Variants in NEO1 observed in about 807,000 individuals in gnomAD.
NEO1 encodes the protein neogenin.
In NEO1, 63 loss-of-function variants were observed where a neutral mutation model predicts 159.7. The ratio of observed to expected loss-of-function variants is 0.39; its 90% CI spans 0.32 to 0.49. NEO1 has a LOEUF of 0.49. Ranked by LOEUF, NEO1 falls within the 20% of genes least tolerant of loss-of-function variation. NEO1 has a pLI of 0.85. For missense variants in NEO1, 1,615 were observed against 1,831.0 expected, an observed-to-expected ratio of 0.88 and a Z score of 2.15; for synonymous variants, 633 against 662.0, an observed-to-expected ratio of 0.96 and a Z score of 0.67.
chr15:73,277,520 G>T (rs2623994), intron 21 of NEO1, among the ~76,000 whole-genome samples: 14,372 of 152,180 alleles, frequency 0.094, 905 homozygotes, highest in African/African-American at 0.17. Flanking sequence ...CTAGGAGGAA[G>T]ACTGTTTTTT....
At chr15:73,238,452 C>T (rs1039568525) in intron 8 of NEO1, among the ~76,000 whole-genome samples, 6 of 150,978 alleles carry the variant, frequency 4.0e-5, no homozygotes, top group African/African-American at 1.5e-4. Context: ...AATTTCAATT[C>T]GTGGAGAAAT....
intron 19 of NEO1, among the ~76,000 whole-genome samples, chr15:73,273,507 C>G (rs1056241245): frequency 1.3e-5 from 2 of 152,128 alleles, no homozygotes; most frequent in African/African-American, 4.8e-5. Context: ...CAGATAGATT[C>G]ATGGTTGTGA....
In NEO1 at chr15:73,303,826, A is replaced by C. The variant is rs575186433; in HGVS notation, c.*1130A>C. On this transcript the variant is annotated 3_prime_UTR_variant, in exon 29 of 29. Coordinates refer to ENST00000261908, the MANE Select transcript of NEO1 (RefSeq NM_002499.4). ...GGTAAGAGCCTGACCCCATTCTGTA[A>C]ATCAGAAAGCAAGGATGGAGACCCT... 2 of 152,296 alleles carry C rather than the reference A, an allele frequency of 1.3e-5. No individual in the cohort carries two copies. Among genetic ancestry groups the C allele is most frequent in the Non-Finnish European group, 2.9e-5 (2 of 68,030 alleles). The allele number at this position is 152,296 out of a possible 1,614,324, so 9.4% of individuals were successfully genotyped here. A position where few individuals can be genotyped will look rare whatever the true frequency, so the allele number is the denominator to read the frequency against.
chr15:73,254,637 C>G (rs1567612056), intron 12 of NEO1, 45 bp from the exon 13 acceptor site: 4 of 1,512,980 alleles, frequency 2.6e-6, no homozygotes, highest in Non-Finnish European at 3.5e-6. Flanking sequence ...CAGGACCAAG[C>G]TTTTGATATA....
intron 27 of NEO1, 61 bp from the exon 28 acceptor site, chr15:73,301,260 C>G: frequency 1.2e-6 from 2 of 1,606,768 alleles, no homozygotes; most frequent in South Asian, 1.1e-5. Context: ...ACCTTAGGGC[C>G]TTCATGAGGT....
In NEO1 at chr15:73,270,303, A is replaced by G. The variant is rs1425573875; in HGVS notation, c.2719-13A>G. ...CTTTCTAATTTTAAAGTCTCAATTC[A>G]TGTTTTTTTCAGAATGCAAATGCAA... On this transcript the variant is annotated splice_polypyrimidine_tract_variant and intron_variant, in intron 17 of 28. Coordinates refer to ENST00000261908, the MANE Select transcript of NEO1 (RefSeq NM_002499.4). The G allele has an allele frequency of 6.2e-7, 1 of 1,614,022 alleles. No homozygotes were observed. The highest frequency in any genetic ancestry group is 1.1e-5 in the South Asian group (1 of 91,040).
intron 20 of NEO1, 32 bp downstream of exon 20, chr15:73,274,037 G>A: frequency 6.3e-7 from 1 of 1,599,376 alleles, no homozygotes; most frequent in East Asian, 2.2e-5. Flanking sequence ...GTTTTGTTGT[G>A]TGTCTCTTTA....
Position 73,301,323 on chromosome 15 carries a change from C to A in NEO1, c.4168C>A (p.Leu1390Met). ...CTGATGGTGCCCTTTCCCCTCAGCT[C>A]TGAACCATCACATTCACTCAGTGAA... is the stretch of plus-strand genomic sequence containing the variant. ...PSTPLLSQQA[L>M]NHHIHSVKTA... The change falls in exon 28 of 29, where the codon CTG becomes ATG. Residue 1390 changes from leucine (L) to methionine (M), a missense_variant and splice_region_variant. Transcript: ENST00000261908. 1 of 1,614,190 alleles carries A rather than the reference C, an allele frequency of 6.2e-7. No individual in the cohort carries two copies. The highest frequency in any genetic ancestry group is 8.5e-7 in the Non-Finnish European group (1 of 1,180,032).
chr15:73,067,522 T>G (rs544114309), intron 1 of NEO1, among the ~76,000 whole-genome samples: 96 of 151,730 alleles, frequency 6.3e-4, no homozygotes, highest in Non-Finnish European at 1.3e-3. Context: ...ATATCTTGGC[T>G]CACTGCAAAC....
intron 26 of NEO1, among the ~76,000 whole-genome samples, chr15:73,294,154 T>G (rs1214673465): frequency 2.6e-5 from 4 of 152,220 alleles, no homozygotes; most frequent in Non-Finnish European, 5.9e-5. Context: ...GAAGTGTATT[T>G]AAAGAAATAC....
chr15:73,289,780 C>A (rs767230687), intron 25 of NEO1, among the ~76,000 whole-genome samples: 80 of 151,460 alleles, frequency 5.3e-4, no homozygotes, highest in Non-Finnish European at 9.3e-4. Flanking sequence ...CCATCTCTAC[C>A]AAAAAAAATA....
At chr15:73,061,566 C>T (rs1401020458) in intron 1 of NEO1, among the ~76,000 whole-genome samples, 3 of 152,216 alleles carry the variant, frequency 2.0e-5, no homozygotes, top group East Asian at 3.9e-4. Flanking sequence ...TTATTAACAG[C>T]GTTACTAAAC....
chr15:73,136,023 G>A lies in NEO1; in HGVS notation c.1011G>A (p.Val337=), dbSNP rs778799413. ...TTGAAGCTCAAGCAGAGCTTACAGT[G>A]CAAGGTATGTAAATATTTACTGTAT... is the stretch of plus-strand genomic sequence containing the variant. ...ETIEAQAELT[V]QAQPEFLKQP... The change falls in exon 5 of 29, where the codon GTG becomes GTA. Residue 337 remains valine, a synonymous_variant. Transcript: ENST00000261908. 296 of 1,599,428 alleles carry A rather than the reference G, an allele frequency of 1.9e-4. No homozygotes were observed. Among genetic ancestry groups the A allele is most frequent in the Non-Finnish European group, 2.4e-4 (288 of 1,176,164 alleles).
rs560402176 is a variant in NEO1, at chr15:73,224,480, A to T, written c.1292-11867A>T. 7.2e-5 allele frequency among the ~76,000 whole-genome samples: 11 copies of T among 152,062 alleles called. 1 individual carries two copies. In the South Asian group the frequency reaches 2.3e-3, roughly 32 times the overall value. On this transcript the variant is annotated intron_variant, in intron 7 of 28. Coordinates refer to ENST00000261908, the MANE Select transcript of NEO1 (RefSeq NM_002499.4). ...GTTTGGTTGTTTAACATAATCCCAG[A>T]CTTCCTGGAGGCTTTGTTCATATTT... is the stretch of plus-strand genomic sequence containing the variant.
intron 1 of NEO1, among the ~76,000 whole-genome samples, chr15:73,083,054 C>T (rs2069154069): frequency 6.6e-6 from 1 of 152,186 alleles, no homozygotes; most frequent in South Asian, 2.1e-4. Flanking sequence ...TGAATGAAAA[C>T]AGGAAAGACG....
At chr15:73,122,421 C>A in intron 2 of NEO1, 104 bp from the exon 3 acceptor site, 1 of 1,045,288 alleles carries the variant, frequency 9.6e-7, no homozygotes, top group Non-Finnish European at 1.4e-6. Context: ...CCTGGTTCTG[C>A]CATATGTTGT....
At chr15:73,096,845 G>C (rs1330985398) in intron 1 of NEO1, among the ~76,000 whole-genome samples, 2 of 152,090 alleles carry the variant, frequency 1.3e-5, no homozygotes, top group East Asian at 3.9e-4. Context: ...ATAATGTAAG[G>C]CTGGGTGCAG....
intron 8 of NEO1, among the ~76,000 whole-genome samples, chr15:73,239,135 G>A (rs907462242): frequency 6.6e-6 from 1 of 152,154 alleles, no homozygotes; most frequent in Non-Finnish European, 1.5e-5. Context: ...ATGAGCCACT[G>A]TGCCTGGCCA....
chr15:73,201,232 T>A (rs1470719734), intron 7 of NEO1, among the ~76,000 whole-genome samples: 1 of 151,726 alleles, frequency 6.6e-6, no homozygotes, highest in Non-Finnish European at 1.5e-5. Context: ...CTTAATTTTC[T>A]CTTCTTTCTC....
Sources: gnomAD v4.1 joint callset for allele counts (sites outside exome capture counted in the v4.1 genomes callset) on GRCh38, gnomAD v4.1.1 for gene constraint, MANE v1.5 for transcripts, NCBI Gene and HGNC (gene_info 2026-07-23, HGNC 2026-07-21) for gene names.